The following USP24 variants were observed in gnomAD, a reference collection of about 807,000 sequenced individuals.
USP24 encodes the protein ubiquitin specific peptidase 24, also known as ubiquitin carboxyl-terminal hydrolase 24.
USP24 carries 97 observed loss-of-function variants against 361.6 expected under a neutral mutation model. The observed-to-expected ratio is 0.27, with a 90% CI of 0.23 to 0.32. The LOEUF is 0.32. Among genes scored for constraint, USP24 ranks in the 10% least tolerant of loss-of-function variants. The pLI is 1.00. For synonymous variants in USP24, 1,098 were observed against 1,124.6 expected (o/e 0.98, Z 0.47); for missense variants, 2,353 against 3,165.6 (o/e 0.74, Z 6.16).
intron 28 of USP24, among the ~76,000 whole-genome samples, chr1:55,135,495 A>C (rs1340087164): frequency 2.6e-5 from 4 of 152,222 alleles, no homozygotes; most frequent in Non-Finnish European, 4.4e-5. Context: ...TGTTGTATAA[A>C]ATTACCTTCA....
rs767623839 is a variant in USP24 at position 55,083,342 on chromosome 1, A to T, written c.6905T>A (p.Leu2302His). ...CCGCAGAGCTGAATGCCTCAGAAGA[A>T]GATCTCCAGCCCTAATTCCTTGCTG... ...VQKQGIRAGD[L>H]LLRHSALRHM... Residue 2302 changes from leucine (L) to histidine (H), a missense_variant, in exon 58 of 68, where the codon CTT becomes CAT. Leu to His is a moderately conservative substitution (Grantham distance 99). Transcript: ENST00000294383. 4.3e-6 allele frequency: 7 copies of T among 1,613,626 alleles called. No individual in the cohort carries two copies. In the Admixed American group the frequency reaches 6.7e-5, roughly 15 times the overall value.
intron 5 of USP24, among the ~76,000 whole-genome samples, chr1:55,170,270 G>C (rs1649312861): frequency 6.6e-6 from 1 of 152,022 alleles, no homozygotes; most frequent in Non-Finnish European, 1.5e-5. Context: ...CTAGAGGAGA[G>C]AGAATTCCTT....
intron 1 of USP24, 136 bp downstream of exon 1, chr1:55,214,654 T>A: frequency 2.6e-6 from 2 of 782,298 alleles, no homozygotes; most frequent in Non-Finnish European, 1.6e-6. Context: ...GGCTTCTCTC[T>A]CTCTCTCCGC....
At chr1:55,090,381 G>C (rs994657659) in intron 54 of USP24, among the ~76,000 whole-genome samples, 6 of 152,188 alleles carry the variant, frequency 3.9e-5, no homozygotes, top group African/African-American at 7.2e-5. Context: ...TGCCAGGATA[G>C]GCATAGTGAC....
At chr1:55,165,982 TTTTCTC>T (rs1210214281) in intron 6 of USP24, 32 bp from the exon 7 acceptor site, 5 of 1,581,470 alleles carry the variant, frequency 3.2e-6, no homozygotes, top group Non-Finnish European at 4.3e-6. Flanking sequence ...ATTAAGTTAT[TTTTCTC>T]TTTAATTTTT....
At chr1:55,136,972 G>A (rs1477897543) in intron 28 of USP24, among the ~76,000 whole-genome samples, 2 of 152,174 alleles carry the variant, frequency 1.3e-5, no homozygotes, top group African/African-American at 4.8e-5. Context: ...ACTGTAGACA[G>A]AGGAGAGGTC....
At chr1:55,069,872 CAAAAAAAA>C (rs11365818) in intron 67 of USP24, among the ~76,000 whole-genome samples, 15 of 35,672 alleles carry the variant, frequency 4.2e-4, no homozygotes, top group Admixed American at 2.2e-3. Context: ...CACTCCATCT[CAAAAAAAA>C]AAAAAAAAAA....
intron 45 of USP24, 104 bp from the exon 46 acceptor site, chr1:55,098,662 C>T: frequency 1.2e-6 from 1 of 802,392 alleles, no homozygotes; most frequent in African/African-American, 1.7e-5. Flanking sequence ...CAAAACGCGT[C>T]ATTCTGGTAG....
intron 36 of USP24, 75 bp downstream of exon 36, chr1:55,123,372 G>A (rs1381155923): frequency 5.0e-6 from 7 of 1,409,284 alleles, no homozygotes; most frequent in Non-Finnish European, 6.5e-6. Context: ...TATCTAGGAA[G>A]AAATGTAAAG....
chr1:55,130,992 G>A (rs1408539533), intron 31 of USP24, among the ~76,000 whole-genome samples: 2 of 152,172 alleles, frequency 1.3e-5, no homozygotes, highest in Admixed American at 6.5e-5. Flanking sequence ...TACCACTGCA[G>A]TGCTATGGCT....
intron 31 of USP24, among the ~76,000 whole-genome samples, chr1:55,130,697 G>A (rs978140929): frequency 3.3e-5 from 5 of 152,102 alleles, no homozygotes; most frequent in South Asian, 2.1e-4. Flanking sequence ...ATAGCTCTTC[G>A]TCTACATGGA....
At chr1:55,157,397 A>G (rs767608180) in intron 10 of USP24, 27 bp from the exon 11 acceptor site, 1 of 1,250,146 alleles carries the variant, frequency 8.0e-7, no homozygotes, top group Non-Finnish European at 1.1e-6. Flanking sequence ...ATTGTGACTG[A>G]GTCTAATATA....
intron 42 of USP24, 136 bp from the exon 43 acceptor site, chr1:55,101,839 A>C (rs892776891): frequency 8.7e-7 from 1 of 1,154,560 alleles, no homozygotes; most frequent in African/African-American, 1.6e-5. Context: ...ATGCTGGCAA[A>C]ACCTATGTTC....
chr1:55,085,716 G>A (rs564687882), intron 56 of USP24, among the ~76,000 whole-genome samples: 2 of 152,158 alleles, frequency 1.3e-5, no homozygotes, highest in African/African-American at 4.8e-5. Context: ...AAATCCCAAC[G>A]CAGACCAAAG....
At chr1:55,089,828 T>C (rs879779269) in intron 54 of USP24, 88 bp from the exon 55 acceptor site, 3 of 865,978 alleles carry the variant, frequency 3.5e-6, no homozygotes, top group Non-Finnish European at 5.4e-6. Flanking sequence ...TCTTATCCTT[T>C]CTATCTATGA....
chr1:55,074,791 A>G (rs1644992457), intron 63 of USP24, among the ~76,000 whole-genome samples: 1 of 152,142 alleles, frequency 6.6e-6, no homozygotes, highest in South Asian at 2.1e-4. Flanking sequence ...GGTGGCCTGA[A>G]AAGCTGAAGC....
At chr1:55,081,277 T>C (rs1190436994) in intron 59 of USP24, 45 bp downstream of exon 59, 1 of 1,572,678 alleles carries the variant, frequency 6.4e-7, no homozygotes, top group Non-Finnish European at 8.7e-7. Flanking sequence ...CTCTCCAAGC[T>C]AGACAAATTC....
At chr1:55,163,471 G>C (rs1244301977) in intron 7 of USP24, among the ~76,000 whole-genome samples, 1 of 151,910 alleles carries the variant, frequency 6.6e-6, no homozygotes, top group Non-Finnish European at 1.5e-5. Context: ...TCAATTCACA[G>C]AAGAAATACA....
intron 38 of USP24, among the ~76,000 whole-genome samples, chr1:55,117,412 A>G (rs561087517): frequency 2.0e-5 from 3 of 152,348 alleles, no homozygotes; most frequent in Non-Finnish European, 4.4e-5. Context: ...GTTACTATAT[A>G]TGGAAAGCCC....
Sources: allele counts gnomAD v4.1 joint callset (sites outside exome capture counted in the v4.1 genomes callset), GRCh38; gene constraint gnomAD v4.1.1; transcripts MANE v1.5; gene names NCBI Gene and HGNC (gene_info 2026-07-23, HGNC 2026-07-21).